The following TPST1 variants were observed in gnomAD, a reference collection of about 807,000 sequenced individuals.
TPST1 encodes protein-tyrosine sulfotransferase 1.
Under a neutral mutation model 34.8 loss-of-function variants are expected in TPST1, and 20 were observed. The observed-to-expected ratio is 0.57, with a 90% CI of 0.40 to 0.84. The LOEUF (loss-of-function observed/expected upper bound fraction) is 0.84, where lower values mean the gene tolerates loss of function less well. Ranked by LOEUF, TPST1 falls within the 40% of genes least tolerant of loss-of-function variation. The pLI is 0.00. For synonymous variants in TPST1, 152 were observed against 159.4 expected (o/e 0.95, Z 0.35); for missense variants, 353 against 455.5 (o/e 0.78, Z 2.05).
intron 1 of TPST1, among the ~76,000 whole-genome samples, chr7:66,229,020 T>C (rs1037184318): frequency 2.6e-5 from 4 of 152,238 alleles, no homozygotes; most frequent in African/African-American, 9.6e-5. Context: ...ATCATCCCAG[T>C]TATATCCCTT....
chr7:66,306,969 C>G (rs2116087126), intron 3 of TPST1, among the ~76,000 whole-genome samples: 1 of 152,240 alleles, frequency 6.6e-6, no homozygotes, highest in African/African-American at 2.4e-5. Context: ...CCCACTTCAG[C>G]CTCCCCACAG....
chr7:66,354,522 C>CAAAAAAAAAAAAA (rs66521537), intron 4 of TPST1, among the ~76,000 whole-genome samples: 6 of 60,792 alleles, frequency 9.9e-5, no homozygotes, highest in African/African-American at 2.4e-4. Context: ...GAGTCTGTCT[C>CAAAAAAAAAAAAA]AAAAAAAAAA....
At chr7:66,294,203 T>C (rs1791145175) in intron 3 of TPST1, among the ~76,000 whole-genome samples, 1 of 152,142 alleles carries the variant, frequency 6.6e-6, no homozygotes, top group Non-Finnish European at 1.5e-5. Flanking sequence ...TCAACTGCAG[T>C]TTTTTGTGTC....
intron 3 of TPST1, among the ~76,000 whole-genome samples, chr7:66,319,030 C>G (rs1050279015): frequency 5.9e-5 from 9 of 152,038 alleles, no homozygotes; most frequent in African/African-American, 2.2e-4. Flanking sequence ...CTGTATTTTC[C>G]AATTTTACTA....
chr7:66,208,570 G>A (rs1208612991), intron 1 of TPST1, among the ~76,000 whole-genome samples: 2 of 152,088 alleles, frequency 1.3e-5, no homozygotes, highest in Admixed American at 6.6e-5. Flanking sequence ...CAGGGTTTGA[G>A]TGATTCTCGT....
chr7:66,319,411 T>TA (rs1235202527), intron 3 of TPST1, among the ~76,000 whole-genome samples: 1 of 152,210 alleles, frequency 6.6e-6, no homozygotes, highest in African/African-American at 2.4e-5. Context: ...CCTGCTACTT[T>TA]AAAAAAATAC....
At chr7:66,278,713 G>GCGGAGCTTGCAGGGAGC (rs1350362042) in intron 2 of TPST1, among the ~76,000 whole-genome samples, 1 of 151,882 alleles carries the variant, frequency 6.6e-6, no homozygotes, top group Non-Finnish European at 1.5e-5. Flanking sequence ...AACCTGGGAG[G>GCGGAGCTTGCAGGGAGC]CGGAGCTTGC....
At chr7:66,322,973 G>A (rs535612226) in intron 3 of TPST1, among the ~76,000 whole-genome samples, 1 of 151,898 alleles carries the variant, frequency 6.6e-6, no homozygotes, top group South Asian at 2.1e-4. Flanking sequence ...GGATATGAAT[G>A]GTAACTCATT....
chr7:66,259,555 A>G (rs2115699029), intron 2 of TPST1, among the ~76,000 whole-genome samples: 1 of 152,168 alleles, frequency 6.6e-6, no homozygotes, highest in South Asian at 2.1e-4. Context: ...ACTGTTGGAA[A>G]TGTTTCCATA....
At chr7:66,285,756 C>T (rs1791021411) in intron 2 of TPST1, among the ~76,000 whole-genome samples, 1 of 152,132 alleles carries the variant, frequency 6.6e-6, no homozygotes, top group South Asian at 2.1e-4. Context: ...TACATTTTAT[C>T]CTGAGGTTGC....
At chr7:66,305,747 G>A (rs1370955804) in intron 3 of TPST1, among the ~76,000 whole-genome samples, 1 of 152,214 alleles carries the variant, frequency 6.6e-6, no homozygotes, top group Non-Finnish European at 1.5e-5. Context: ...CACAGCTGCT[G>A]CGAGTTTTCT....
intron 3 of TPST1, among the ~76,000 whole-genome samples, chr7:66,296,277 A>G (rs996009809): frequency 2.1e-5 from 2 of 95,598 alleles, no homozygotes; most frequent in Admixed American, 3.0e-4. Flanking sequence ...GTCTCTGCCT[A>G]TCTTTAAAGT....
At chr7:66,296,919 T>C (rs1791214012) in intron 3 of TPST1, among the ~76,000 whole-genome samples, 2 of 152,164 alleles carry the variant, frequency 1.3e-5, no homozygotes, top group Non-Finnish European at 2.9e-5. Context: ...ATCGTCAGCC[T>C]TCTTGCATAG....
At chr7:66,248,670 A>AT (rs986582956) in intron 2 of TPST1, among the ~76,000 whole-genome samples, 25 of 150,040 alleles carry the variant, frequency 1.7e-4, no homozygotes, top group African/African-American at 4.7e-4. Context: ...CACCCAGCTA[A>AT]TTTTTTTTTT....
At chr7:66,220,530 A>C (rs1584144163) in intron 1 of TPST1, among the ~76,000 whole-genome samples, 1 of 152,250 alleles carries the variant, frequency 6.6e-6, no homozygotes, top group African/African-American at 2.4e-5. Flanking sequence ...GCTGCGCAGG[A>C]AAGATGGCAT....
rs879750456 is a variant in TPST1 at position 66,295,511 on chromosome 7, AAAAC to A, written c.1044+8814_1044+8817del. Reference sequence around the variant, plus strand: ...TCCTGTCTCAAGAAAACAAAAACAAAAAACAAACAAACAAAAAACCTTTGAACTG... The same window carrying A: ...TCCTGTCTCAAGAAAACAAAAACAAAAAACAAACAAAAAACCTTTGAACTG... On this transcript the variant is annotated intron_variant, in intron 3 of 5. Coordinates refer to ENST00000304842, the MANE Select transcript of TPST1 (RefSeq NM_003596.4). Among the ~76,000 whole-genome samples, 614 of 152,318 alleles carry A rather than the reference AAAAC, an allele frequency of 4.0e-3. 3 individuals are homozygous for A. Among genetic ancestry groups the A allele is most frequent in the African/African-American group, 0.013 (561 of 41,568 alleles).
Position 66,241,056 on chromosome 7 carries a change from T to C in TPST1, c.631T>C (p.Cys211Arg). 6.2e-7 allele frequency: 1 copy of C among 1,614,250 alleles called. No homozygotes were observed. Among genetic ancestry groups the C allele is most frequent in the South Asian group, 1.1e-5 (1 of 91,090 alleles). Residue 211 changes from cysteine to arginine, a missense_variant, in exon 2 of 6, where the codon TGT becomes CGT. Transcript: ENST00000304842. ...ATTTGATCTGAACAGCTATAGGGAC[T>C]GTTTGACAAAGTGGAATCGTGCTAT... is the stretch of plus-strand genomic sequence containing the variant. The part of the protein sequence containing the change: ...AGFDLNSYRD[C>R]LTKWNRAIET...
intron 2 of TPST1, among the ~76,000 whole-genome samples, chr7:66,278,513 A>T (rs1405929502): frequency 6.6e-6 from 1 of 152,066 alleles, no homozygotes; most frequent in African/African-American, 2.4e-5. Context: ...GGCCGGGCGC[A>T]GTGGCTCACG....
chr7:66,210,033 G>A (rs1030386564), intron 1 of TPST1, among the ~76,000 whole-genome samples: 6 of 152,082 alleles, frequency 3.9e-5, no homozygotes, highest in Admixed American at 3.9e-4. Context: ...GTTAGAGAGG[G>A]GCAAGACTAG....
Sources: gnomAD v4.1 joint callset for allele counts (sites outside exome capture counted in the v4.1 genomes callset) on GRCh38, gnomAD v4.1.1 for gene constraint, MANE v1.5 for transcripts, NCBI Gene and HGNC (gene_info 2026-07-23, HGNC 2026-07-21) for gene names.